MECR: variants seen among roughly 807,000 people sequenced by gnomAD.
MECR encodes mitochondrial trans-2-enoyl-CoA reductase.
In MECR, 37 loss-of-function variants were observed where a neutral mutation model predicts 49.1. That is an observed-to-expected ratio of 0.75 (90% confidence interval 0.58 to 0.99). The LOEUF is 0.99. Among genes scored for constraint, MECR ranks in the 50% least tolerant of loss-of-function variants. The pLI is 0.00. For missense variants in MECR, 470 were observed against 479.6 expected (o/e 0.98, Z 0.19); for synonymous variants, 198 against 191.1 (o/e 1.04, Z -0.30).
the MECR span, among the ~76,000 whole-genome samples, chr1:29,184,574 G>C: frequency 6.6e-6 from 1 of 151,904 alleles, no homozygotes; most frequent in Non-Finnish European, 1.5e-5. Context: ...GTCAACATGG[G>C]GAAACCCCAT....
At chr1:29,207,546 C>T (rs1285960549) in intron 3 of MECR, among the ~76,000 whole-genome samples, 1 of 150,762 alleles carries the variant, frequency 6.6e-6, no homozygotes, top group Non-Finnish European at 1.5e-5. Context: ...TCAAGACCAG[C>T]CTGGGCAACA....
At chr1:29,195,434 C>G (rs1393139433) in intron 9 of MECR, among the ~76,000 whole-genome samples, 2 of 152,212 alleles carry the variant, frequency 1.3e-5, no homozygotes, top group African/African-American at 4.8e-5. Flanking sequence ...GGGAGATGAT[C>G]TGTTTACATC....
the MECR span, among the ~76,000 whole-genome samples, chr1:29,179,504 C>G: frequency 6.6e-6 from 1 of 152,058 alleles, no homozygotes; most frequent in Non-Finnish European, 1.5e-5. Flanking sequence ...GGACTATAGG[C>G]GAGTGTCACC....
chr1:29,173,955 G>A, the MECR span, among the ~76,000 whole-genome samples: 1 of 151,710 alleles, frequency 6.6e-6, no homozygotes, highest in Non-Finnish European at 1.5e-5. Context: ...TTGGGAGGAT[G>A]AGGTGGGCGG....
the MECR span, chr1:29,173,617 T>G: frequency 2.1e-4 from 32 of 150,088 alleles, 1 homozygote; most frequent in Admixed American, 2.1e-3. Flanking sequence ...CCCAGCTAAT[T>G]TTTGTCTTTT....
chr1:29,205,961 G>A (rs557668172), intron 4 of MECR, among the ~76,000 whole-genome samples: 5 of 152,264 alleles, frequency 3.3e-5, no homozygotes, highest in Admixed American at 6.5e-5. Flanking sequence ...CTGGTCTTAG[G>A]CTCTGCTTTC....
the MECR span, chr1:29,171,903 T>TA: frequency 6.6e-6 from 1 of 152,186 alleles, no homozygotes; most frequent in Non-Finnish European, 1.5e-5. Context: ...TTAAATGACT[T>TA]AGTCAAATAA....
chr1:29,183,113 C>T, the MECR span, among the ~76,000 whole-genome samples: 2 of 152,192 alleles, frequency 1.3e-5, no homozygotes, highest in African/African-American at 4.8e-5. Context: ...TCTTCGCTGT[C>T]CACCAGCCAC....
the MECR span, among the ~76,000 whole-genome samples, chr1:29,176,182 G>A: frequency 2.0e-4 from 30 of 152,054 alleles, no homozygotes; most frequent in Non-Finnish European, 3.1e-4. Context: ...AACCCAAAAG[G>A]CGGAAGTTGC....
chr1:29,178,326 C>A, the MECR span, among the ~76,000 whole-genome samples: 2 of 148,906 alleles, frequency 1.3e-5, no homozygotes, highest in Non-Finnish European at 3.0e-5. Flanking sequence ...TCTAAAGCAT[C>A]CAAAATCTGT....
rs773303655 is a variant in MECR, at chr1:29,202,002, C to T, written c.697G>A (p.Ala233Thr). 1 of 1,614,184 alleles carries T rather than the reference C, an allele frequency of 6.2e-7. No individual in the cohort carries two copies. Among genetic ancestry groups the T allele is most frequent in the Non-Finnish European group, 8.5e-7 (1 of 1,180,024 alleles). ...KLSDRLKSLGAEHVITEEELR... is the reference protein window; with the variant it reads ...KLSDRLKSLGTEHVITEEELR... ...TCCTCTTCTGTGATGACATGCTCAG[C>T]CCCCAGACTCTTCAGTCTGTCACTC... The change falls in exon 6 of 10, where the codon GCT (alanine) becomes ACT (threonine). Residue 233 changes from alanine to threonine, a missense_variant. Transcript: ENST00000263702.
the MECR span, among the ~76,000 whole-genome samples, chr1:29,168,175 C>T: frequency 5.4e-5 from 8 of 149,392 alleles, no homozygotes; most frequent in Admixed American, 2.7e-4. Flanking sequence ...CCACCATGCC[C>T]GGCAAATTTT....
intron 4 of MECR, among the ~76,000 whole-genome samples, chr1:29,206,385 G>A (rs1051089595): frequency 2.0e-5 from 3 of 152,308 alleles, no homozygotes; most frequent in Middle Eastern, 3.4e-3. Context: ...CTATGTAAAC[G>A]CTGAGTGGAA....
At chr1:29,187,892 C>T (rs1429673282), downstream of MECR, among the ~76,000 whole-genome samples, 3 of 148,582 alleles carry the variant, frequency 2.0e-5, no homozygotes, top group South Asian at 4.5e-4. Context: ...AAAAAATTAG[C>T]CAGGCGTGGT....
chr1:29,204,587 T>C lies in MECR; in HGVS notation c.551-1354A>G, dbSNP rs182173985. Among the ~76,000 whole-genome samples the C allele has an allele frequency of 2.6e-4, 40 of 152,300 alleles. No homozygotes were observed. The South Asian group carries it at 3.7e-3, about 14-fold the overall frequency. The stretch of plus-strand genomic sequence containing the variant: ...CTATTTGTATAAACTGATCACAATA[T>C]AAAATGTAATTCTTACCATGTGTCA... On this transcript the variant is annotated intron_variant, in intron 4 of 9. Coordinates refer to ENST00000263702, the MANE Select transcript of MECR (RefSeq NM_016011.5).
At chr1:29,179,503 G>T in the MECR span, among the ~76,000 whole-genome samples, 1 of 152,026 alleles carries the variant, frequency 6.6e-6, no homozygotes, top group Admixed American at 6.6e-5. Flanking sequence ...AGGACTATAG[G>T]CGAGTGTCAC....
chr1:29,184,817 T>G, the MECR span, among the ~76,000 whole-genome samples: 1 of 152,016 alleles, frequency 6.6e-6, no homozygotes, highest in African/African-American at 2.4e-5. Flanking sequence ...GTTGTTTTCC[T>G]GCCTGGTCTT....
chr1:29,181,857 G>C, the MECR span: 2 of 965,258 alleles, frequency 2.1e-6, no homozygotes, highest in East Asian at 3.4e-5. Flanking sequence ...CGGGCGGGCG[G>C]CGGGACGGAC....
chr1:29,214,976 T>C (rs1264483607), intron 3 of MECR, among the ~76,000 whole-genome samples: 1 of 152,154 alleles, frequency 6.6e-6, no homozygotes. Context: ...ACTCATTAGC[T>C]TGGCTTGGGC....
Sources: gnomAD v4.1 joint callset for allele counts (sites outside exome capture counted in the v4.1 genomes callset) on GRCh38, gnomAD v4.1.1 for gene constraint, MANE v1.5 for transcripts, NCBI Gene and HGNC (gene_info 2026-07-23, HGNC 2026-07-21) for gene names.